Variants in CYP2D6 observed in about 807,000 individuals in gnomAD.
CYP2D6 encodes cytochrome P450 2D6.
In CYP2D6, 51 loss-of-function variants were observed where a neutral mutation model predicts 43.5. That is an observed-to-expected ratio of 1.17 (90% CI 0.94 to 1.48). The LOEUF (loss-of-function observed/expected upper bound fraction) is 1.48, where lower values mean the gene tolerates loss of function less well. Among genes scored for constraint, CYP2D6 ranks in the 40% most tolerant of loss-of-function variants. CYP2D6 has a pLI of 0.00. For synonymous variants in CYP2D6, 346 were observed against 297.1 expected, an observed-to-expected ratio of 1.16 and a Z score of -1.69; for missense variants, 698 against 688.0, an observed-to-expected ratio of 1.01 and a Z score of -0.16.
Position 42,130,605 on chromosome 22 carries a change from C to T in CYP2D6, c.180+7G>A, listed in dbSNP as rs1432475955. The T allele has an allele frequency of 6.3e-7, 1 of 1,591,052 alleles. No homozygotes were observed. Among genetic ancestry groups the T allele is most frequent in the South Asian group, 1.1e-5 (1 of 88,478 alleles). ...CCTCTGCCGCCCTCCAGGACCTCCT[C>T]CCTCACCTGGTCGAAGCAGTATGGT... is the stretch of plus-strand genomic sequence containing the variant. On this transcript the variant is annotated splice_region_variant and intron_variant, in intron 1 of 8. Coordinates refer to ENST00000645361, the MANE Select transcript of CYP2D6 (RefSeq NM_000106.6).
chr22:42,128,470 C>T, intron 4 of CYP2D6, 120 bp from the exon 5 acceptor site: 3 of 1,182,712 alleles, frequency 2.5e-6, no homozygotes, highest in Non-Finnish European at 3.7e-6. Flanking sequence ...ACTGACCTCA[C>T]CAAGTCCCTC....
Position 42,128,004 on chromosome 22 carries a change from A to C in CYP2D6, c.844-21T>G, listed in dbSNP as rs1188292948. 47 of 1,611,032 alleles carry C rather than the reference A, an allele frequency of 2.9e-5. 1 individual carries two copies. Among genetic ancestry groups the C allele is most frequent in the Non-Finnish European group, 3.6e-5 (43 of 1,178,254 alleles). ...TTGGCCTGAGCAGGGCCGAGAGCAT[A>C]CTCGGGACAGAACGGGGTAGCCCCC... On this transcript the variant is annotated intron_variant, in intron 5 of 8. Transcript: ENST00000645361.
intron 1 of CYP2D6, 192 bp from the exon 2 acceptor site, chr22:42,130,101 C>T (rs1297994905): frequency 3.3e-6 from 2 of 613,180 alleles, no homozygotes; most frequent in Non-Finnish European, 2.7e-6. Context: ...AGTTTGGATG[C>T]GTCACCCAGG....
Position 42,128,360 on chromosome 22 carries a change from A to G in CYP2D6, c.667-10T>C. The G allele has an allele frequency of 6.2e-7, 1 of 1,609,632 alleles. No individual in the cohort carries two copies. Among genetic ancestry groups the G allele is most frequent in the South Asian group, 1.1e-5 (1 of 90,852 alleles). On this transcript the variant is annotated splice_polypyrimidine_tract_variant and intron_variant, in intron 4 of 8. Transcript: ENST00000645361. ...GGACAGCATTCAGCACCTACACCAGACAGAACGGGGTCTCAATCCCTCCTG... is the reference window on the plus strand; with the variant it reads ...GGACAGCATTCAGCACCTACACCAGGCAGAACGGGGTCTCAATCCCTCCTG...
rs1407786572 is a variant in CYP2D6, at chr22:42,130,685, C to T, written c.107G>A (p.Gly36Asp). Residue 36 changes from glycine (G) to aspartate (D), a missense_variant, in exon 1 of 9, where the codon GGC becomes GAC. Gly to Asp is a moderately conservative substitution (Grantham distance 94, BLOSUM62 -1). Transcript: ENST00000645361. ...GCCCAGCCCGGGCAGTGGCAGGGGG[C>T]CTGGTGGGTAGCGTGCAGCCCAGCG... ...RQRWAARYPPGPLPLPGLGNL... is the reference protein window; with the variant it reads ...RQRWAARYPPDPLPLPGLGNL... 2 of 1,607,790 alleles carry T rather than the reference C, an allele frequency of 1.2e-6. No homozygotes were observed. Among genetic ancestry groups the T allele is most frequent in the South Asian group, 1.1e-5 (1 of 90,256 alleles).
intron 3 of CYP2D6, 41 bp downstream of exon 3, chr22:42,128,992 C>G: frequency 1.3e-6 from 2 of 1,591,978 alleles, no homozygotes; most frequent in Non-Finnish European, 1.7e-6. Flanking sequence ...CGTCCCCCGC[C>G]TTCCCAGTTC....
Position 42,127,520 on chromosome 22 carries a change from C to A in CYP2D6, c.1100G>T (p.Gly367Val). 6.2e-7 allele frequency: 1 copy of A among 1,611,908 alleles called. No homozygotes were observed. The highest frequency in any genetic ancestry group is 8.5e-7 in the Non-Finnish European group (1 of 1,178,542). Residue 367 changes from glycine (G) to valine (V), a missense_variant, in exon 7 of 9, where the codon GGG becomes GTG. Physicochemically the swap from Gly to Val is moderately radical, Grantham distance 109. This residue lies in a region of CYP2D6 where 588 missense variants were observed against 521.1 expected (regional missense o/e 1.13). Coordinates refer to ENST00000645361, the MANE Select transcript of CYP2D6 (RefSeq NM_000106.6). The stretch of plus-strand genomic sequence containing the variant: ...GGTCACACCCAGGGGGACGATGTCC[C>A]CAAAGCGCTGCACCTCATGAATCAC... ...TAVIHEVQRF[G>V]DIVPLGVTHM...
intron 7 of CYP2D6, 44 bp downstream of exon 7, chr22:42,127,403 C>G: frequency 7.0e-7 from 1 of 1,438,278 alleles, no homozygotes. Context: ...GGGCTATCAC[C>G]AGGTGCTGGT....
rs959768306 is a variant in CYP2D6 at position 42,127,180 on chromosome 22, A to G, written c.1174-188T>C. Among the ~76,000 whole-genome samples the G allele has an allele frequency of 4.0e-5, 6 of 150,992 alleles. No homozygotes were observed. The highest frequency in any genetic ancestry group is 1.5e-4 in the African/African-American group (6 of 40,802). ...GGGCGCAGTCACACCTCTCAGAGGC[A>G]CCCACACTGCCCCCTCTCCCTGCAG... On this transcript the variant is annotated intron_variant, in intron 7 of 8. Transcript: ENST00000645361.
rs17002853 is a variant in CYP2D6, at chr22:42,128,325, A to G, written c.692T>C (p.Leu231Pro). 7.5e-5 allele frequency: 121 copies of G among 1,610,226 alleles called. 1 individual carries two copies. Among genetic ancestry groups the G allele is most frequent in the Middle Eastern group, 5.0e-4 (3 of 6,052 alleles). The change falls in exon 5 of 9, where the codon CTG becomes CCG. Residue 231 changes from leucine (L) to proline (P), a missense_variant. Leu to Pro is a moderately conservative substitution (Grantham distance 98, BLOSUM62 -3). Around this residue, in one of 5 missense-constraint regions of CYP2D6, gnomAD observed 588 missense variants for 521.1 expected, o/e 1.13. Coordinates refer to ENST00000645361, the MANE Select transcript of CYP2D6 (RefSeq NM_000106.6). The part of the protein sequence containing the change: ...REVLNAVPVL[L>P]HIPALAGKVL... The stretch of plus-strand genomic sequence containing the variant: ...CTTGCCAGCCAGCGCTGGGATATGC[A>G]GGAGGACGGGGACAGCATTCAGCAC...
rs189736703 is a variant in CYP2D6 at position 42,129,498 on chromosome 22, C to T, written c.352+240G>A. ...GACACCGGATTCCAGCTGGGAAATG[C>T]GCCAGCCTCACCCATTGGGCTCCTG... On this transcript the variant is annotated intron_variant, in intron 2 of 8. Coordinates refer to ENST00000645361, the MANE Select transcript of CYP2D6 (RefSeq NM_000106.6). The T allele has an allele frequency of 3.4e-3, 2,432 of 722,346 alleles. 81 individuals carry two copies. The highest frequency in any genetic ancestry group is 5.5e-3 in the Admixed American group (255 of 46,492). The allele number at this position is 722,346 out of a possible 1,614,324, so 44.7% of individuals were successfully genotyped here. A position where few individuals can be genotyped will look rare whatever the true frequency, so the allele number is the denominator to read the frequency against.
rs570742137 is a variant in CYP2D6 at position 42,129,563 on chromosome 22, C to T, written c.352+175G>A. Among the ~76,000 whole-genome samples, 165 of 151,618 alleles carry T rather than the reference C, an allele frequency of 1.1e-3. 10 individuals are homozygous for T. The highest frequency in any genetic ancestry group is 3.8e-3 in the African/African-American group (158 of 41,176). ...TGGCCCCGCCCACTCGTCACAAGCCCCGCCCTCGTCCCCATGCTCACACCT... is the reference window on the plus strand; with the variant it reads ...TGGCCCCGCCCACTCGTCACAAGCCTCGCCCTCGTCCCCATGCTCACACCT... On this transcript the variant is annotated intron_variant, in intron 2 of 8. Coordinates refer to ENST00000645361, the MANE Select transcript of CYP2D6 (RefSeq NM_000106.6).
chr22:42,129,617 T>A lies in CYP2D6; in HGVS notation c.352+121A>T, dbSNP rs1484912301. 2.4e-5 allele frequency: 33 copies of A among 1,360,400 alleles called. 2 individuals carry two copies. Among genetic ancestry groups the A allele is most frequent in the Non-Finnish European group, 3.4e-5 (33 of 974,378 alleles). 84.3% of individuals were successfully genotyped at this position (1,360,400 alleles called of 1,614,324 possible). On this transcript the variant is annotated intron_variant, in intron 2 of 8. Transcript: ENST00000645361. ...TAGTGCAGGTGGTTTCTTGGCCCGC[T>A]GTCCCCACTCGCTGGCCTGTTTCAT... is the stretch of plus-strand genomic sequence containing the variant.
rs1237727711 is a variant in CYP2D6 at position 42,128,305 on chromosome 22, C to T, written c.712G>A (p.Gly238Ser). The change falls in exon 5 of 9, where the codon GGC becomes AGC. Residue 238 changes from glycine (G) to serine (S), a missense_variant. This residue lies in a region of CYP2D6 where 588 missense variants were observed against 521.1 expected (regional missense o/e 1.13). Transcript: ENST00000645361. ...PVLLHIPALA[G>S]KVLRFQKAFL... The stretch of plus-strand genomic sequence containing the variant: ...GCCTTTTGGAAGCGTAGGACCTTGC[C>T]AGCCAGCGCTGGGATATGCAGGAGG... 5.0e-6 allele frequency: 8 copies of T among 1,610,660 alleles called. No homozygotes were observed. In the East Asian group the frequency reaches 6.7e-5, roughly 14 times the overall value.
chr22:42,127,704 C>T lies in CYP2D6; in HGVS notation c.986-70G>A, dbSNP rs1158595028. ...CCGGCCCTGACACTCCTTCTTGCCT[C>T]CTATGTTGGAGGAGGTCAGGCTTAC... On this transcript the variant is annotated intron_variant, in intron 6 of 8. Transcript: ENST00000645361. The T allele has an allele frequency of 2.6e-5, 41 of 1,580,732 alleles. 1 individual carries two copies. Among genetic ancestry groups the T allele is most frequent in the East Asian group, 6.7e-5 (3 of 44,574 alleles).
chr22:42,129,571 G>A (rs1289289933), intron 2 of CYP2D6, among the ~76,000 whole-genome samples, 167 bp downstream of exon 2: 3 of 151,252 alleles, frequency 2.0e-5, no homozygotes, highest in East Asian at 3.9e-4. Context: ...CCCCGCCCTC[G>A]TCCCCATGCT....
rs879482603 is a variant in CYP2D6, at chr22:42,129,521, C to T, written c.352+217G>A. 30 of 750,718 alleles carry T rather than the reference C, an allele frequency of 4.0e-5. 1 individual carries two copies. Among genetic ancestry groups the T allele is most frequent in the Non-Finnish European group, 5.6e-5 (25 of 446,296 alleles). 46.5% of individuals were successfully genotyped at this position (750,718 alleles called of 1,614,324 possible). ...TGCGCCAGCCTCACCCATTGGGCTC[C>T]TGCCAGGTCTCGGCAGTGGCCCCGC... is the stretch of plus-strand genomic sequence containing the variant. On this transcript the variant is annotated intron_variant, in intron 2 of 8. Transcript: ENST00000645361.
chr22:42,127,386 C>A (rs1931093293), intron 7 of CYP2D6, 61 bp downstream of exon 7: 1 of 1,378,748 alleles, frequency 7.3e-7, no homozygotes, highest in Non-Finnish European at 1.0e-6. Flanking sequence ...TGGCAGTAGC[C>A]ATGCTGGGGC....
intron 2 of CYP2D6, 42 bp from the exon 3 acceptor site, chr22:42,129,227 T>A: frequency 6.3e-7 from 1 of 1,591,812 alleles, no homozygotes; most frequent in Non-Finnish European, 8.5e-7. Context: ...ATGAAGGCAT[T>A]AGCCCCACCA....
Sources: gnomAD v4.1 joint callset for allele counts (sites outside exome capture counted in the v4.1 genomes callset) on GRCh38, gnomAD v4.1.1 for gene constraint, gnomAD v4.1.1 regional missense constraint, MANE v1.5 for transcripts, NCBI Gene and HGNC (gene_info 2026-07-23, HGNC 2026-07-21) for gene names.